Variants in RANBP17 observed in about 807,000 individuals in gnomAD.
RANBP17 encodes ran-binding protein 17.
RANBP17 carries 158 observed loss-of-function variants against 141.2 expected under a neutral mutation model. The observed-to-expected ratio is 1.12, with a 90% CI of 0.98 to 1.28. The LOEUF (loss-of-function observed/expected upper bound fraction) is 1.28. Ranked by LOEUF, RANBP17 falls within the 50% of genes most tolerant of loss-of-function variation. The pLI is 0.00. For synonymous variants in RANBP17, 430 were observed against 450.0 expected (o/e 0.96, Z 0.56); for missense variants, 1,438 against 1,290.7 (o/e 1.11, Z -1.75).
At chr5:171,059,006 GTTGT>G (rs1421740890) in intron 14 of RANBP17, among the ~76,000 whole-genome samples, 1 of 151,122 alleles carries the variant, frequency 6.6e-6, no homozygotes, top group African/African-American at 2.4e-5. Context: ...TTTTGATGGA[GTTGT>G]TTTTTTTTTT....
chr5:171,113,838 C>G (rs1755419956), intron 14 of RANBP17, among the ~76,000 whole-genome samples: 1 of 152,024 alleles, frequency 6.6e-6, no homozygotes, highest in Non-Finnish European at 1.5e-5. Flanking sequence ...TAATATTTAC[C>G]TTTTTCACTC....
At chr5:171,205,370 T>G (rs527758912) in intron 19 of RANBP17, among the ~76,000 whole-genome samples, 154 bp from the exon 20 acceptor site, 5 of 152,340 alleles carry the variant, frequency 3.3e-5, no homozygotes, top group African/African-American at 1.2e-4. Flanking sequence ...ATGGTCTGTT[T>G]AAAGAGTCTG....
intron 14 of RANBP17, among the ~76,000 whole-genome samples, chr5:171,019,566 C>G (rs1780703958): frequency 6.6e-6 from 1 of 152,156 alleles, no homozygotes; most frequent in Non-Finnish European, 1.5e-5. Flanking sequence ...ATAGTATTCT[C>G]TGATGGTAGT....
intron 24 of RANBP17, among the ~76,000 whole-genome samples, chr5:171,246,609 C>A (rs1765231729): frequency 6.6e-6 from 1 of 152,174 alleles, no homozygotes; most frequent in Non-Finnish European, 1.5e-5. Context: ...GCTGGACATT[C>A]TTTTATCTTA....
intron 14 of RANBP17, among the ~76,000 whole-genome samples, chr5:171,080,266 C>G (rs1288532390): frequency 6.6e-6 from 1 of 151,536 alleles, no homozygotes; most frequent in African/African-American, 2.4e-5. Flanking sequence ...CACACACACA[C>G]ACACACACAC....
intron 14 of RANBP17, among the ~76,000 whole-genome samples, chr5:171,128,215 C>T (rs1304537105): frequency 6.6e-6 from 1 of 152,090 alleles, no homozygotes; most frequent in East Asian, 1.9e-4. Context: ...TTTACTGCGG[C>T]ACTATTAGCA....
In RANBP17 at chr5:171,063,862, A is replaced by C. The variant is rs909697309; in HGVS notation, c.1710+95485A>C. ...CTTTGTTTACCTAGCGAGCCTGGGC[A>C]ATGGCGGGCGCCCCTCCCCCAGCCT... On this transcript the variant is annotated intron_variant, in intron 14 of 27. Coordinates refer to ENST00000523189, the MANE Select transcript of RANBP17 (RefSeq NM_022897.5). Among the ~76,000 whole-genome samples the C allele has an allele frequency of 3.9e-5, 6 of 152,314 alleles. No homozygotes were observed. In the East Asian group the frequency reaches 1.2e-3, roughly 29 times the overall value.
rs372787654 is a variant in RANBP17 at position 171,184,788 on chromosome 5, TAA to T, written c.2038+1361_2038+1362del. On this transcript the variant is annotated intron_variant, in intron 18 of 27. Coordinates refer to ENST00000523189, the MANE Select transcript of RANBP17 (RefSeq NM_022897.5). ...CACCGTTTTTGTTTTCTAGTGTATA[TAA>T]AAGTTAAACTTACTGTACTGTAGTC... is the stretch of plus-strand genomic sequence containing the variant. Among the ~76,000 whole-genome samples, 36 of 152,288 alleles carry T rather than the reference TAA, an allele frequency of 2.4e-4. No homozygotes were observed. The South Asian group carries it at 7.5e-3, about 32-fold the overall frequency.
chr5:171,261,120 A>C (rs1471295997), intron 24 of RANBP17, among the ~76,000 whole-genome samples: 3 of 148,358 alleles, frequency 2.0e-5, no homozygotes, highest in African/African-American at 4.9e-5. Context: ...AAAAAAAAAA[A>C]CCCTAAAGAG....
At chr5:170,988,209 C>T (rs1432024420) in intron 14 of RANBP17, among the ~76,000 whole-genome samples, 1 of 151,070 alleles carries the variant, frequency 6.6e-6, no homozygotes, top group Non-Finnish European at 1.5e-5. Flanking sequence ...GATAAATGCA[C>T]AAAGTAAAAC....
chr5:170,955,648 G>A (rs367706615), intron 13 of RANBP17, among the ~76,000 whole-genome samples: 2 of 21,768 alleles, frequency 9.2e-5, no homozygotes, highest in Admixed American at 6.4e-4. Flanking sequence ...TATGCTCAGT[G>A]TATATATATA....
chr5:171,055,939 A>G (rs994152303), intron 14 of RANBP17, among the ~76,000 whole-genome samples: 4 of 150,718 alleles, frequency 2.7e-5, no homozygotes, highest in Admixed American at 6.6e-5. Flanking sequence ...AAGTAAAACT[A>G]TGTTGCCGTA....
At chr5:171,044,758 T>A (rs1782462646) in intron 14 of RANBP17, among the ~76,000 whole-genome samples, 3 of 152,134 alleles carry the variant, frequency 2.0e-5, no homozygotes, top group Non-Finnish European at 2.9e-5. Flanking sequence ...TTTGATTTGA[T>A]TTGTGTAAAA....
intron 5 of RANBP17, 151 bp downstream of exon 5, chr5:170,896,266 G>C: frequency 1.7e-6 from 1 of 583,724 alleles, no homozygotes; most frequent in African/African-American, 1.9e-5. Context: ...CTGTTTTATT[G>C]ATGGGCTAAT....
At chr5:170,942,592 A>G (rs1774416953) in intron 12 of RANBP17, among the ~76,000 whole-genome samples, 1 of 152,138 alleles carries the variant, frequency 6.6e-6, no homozygotes, top group African/African-American at 2.4e-5. Context: ...AAAAAATCAA[A>G]AGAATAATAA....
chr5:170,911,243 C>T, intron 7 of RANBP17, 109 bp downstream of exon 7: 1 of 969,732 alleles, frequency 1.0e-6, no homozygotes, highest in East Asian at 2.6e-5. Flanking sequence ...AAAAATAGCT[C>T]AAATGGATTT....
intron 12 of RANBP17, among the ~76,000 whole-genome samples, chr5:170,926,440 A>G (rs1028858812): frequency 8.5e-5 from 12 of 141,736 alleles, no homozygotes; most frequent in African/African-American, 2.5e-4. Context: ...TGATTGTTGT[A>G]TCATCATCAG....
chr5:170,901,219 A>ATAGTTAGC (rs1485296792), intron 5 of RANBP17, among the ~76,000 whole-genome samples: 2 of 152,128 alleles, frequency 1.3e-5, no homozygotes, highest in Non-Finnish European at 2.9e-5. Context: ...TATATTTAGG[A>ATAGTTAGC]TAGTTAGCTC....
chr5:171,250,592 A>G (rs1027103856), intron 24 of RANBP17, among the ~76,000 whole-genome samples: 1 of 152,218 alleles, frequency 6.6e-6, no homozygotes, highest in Non-Finnish European at 1.5e-5. Context: ...ACTGCTTACA[A>G]GAAACTCACC....
Sources: gnomAD v4.1 joint callset for allele counts (sites outside exome capture counted in the v4.1 genomes callset) on GRCh38, gnomAD v4.1.1 for gene constraint, MANE v1.5 for transcripts, NCBI Gene and HGNC (gene_info 2026-07-23, HGNC 2026-07-21) for gene names.